MSRA: variants seen among roughly 807,000 people sequenced by gnomAD.
MSRA encodes the protein mitochondrial peptide methionine sulfoxide reductase.
A neutral mutation model predicts 31.3 loss-of-function variants in MSRA; 54 were observed. That is an observed-to-expected ratio of 1.73 (90% CI 1.39 to 2.17). MSRA has a LOEUF of 2.17. Ranked by LOEUF, MSRA falls within the 30% of genes most tolerant of loss-of-function variation. The probability of loss-of-function intolerance (pLI) is 0.00; values close to 1 mark genes in which losing one functional copy is unlikely to be tolerated. For synonymous variants in MSRA, 169 were observed against 116.5 expected (o/e 1.45, Z -2.90); for missense variants, 507 against 300.9 (o/e 1.69, Z -5.07).
chr8:10,095,192 T>A (rs932252133), intron 1 of MSRA, among the ~76,000 whole-genome samples: 1 of 152,240 alleles, frequency 6.6e-6, no homozygotes, highest in African/African-American at 2.4e-5. Context: ...TAAAGTTACA[T>A]ACATCTCTTC....
intron 5 of MSRA, among the ~76,000 whole-genome samples, chr8:10,420,680 C>T (rs1033061016): frequency 3.9e-5 from 6 of 151,962 alleles, no homozygotes; most frequent in Non-Finnish European, 5.9e-5. Context: ...GCAGCCCCCA[C>T]CCCATGTACA....
chr8:10,319,761 A>G (rs963442027), intron 4 of MSRA, 122 bp from the exon 5 acceptor site: 6 of 467,696 alleles, frequency 1.3e-5, no homozygotes, highest in Admixed American at 4.3e-5. Context: ...ACAAGCACTT[A>G]GCAACACATC....
intron 5 of MSRA, among the ~76,000 whole-genome samples, chr8:10,353,107 G>A (rs1221770264): frequency 6.6e-6 from 1 of 152,102 alleles, no homozygotes; most frequent in Non-Finnish European, 1.5e-5. Context: ...GTAACCACAG[G>A]CCTGAGCCAC....
intron 2 of MSRA, among the ~76,000 whole-genome samples, chr8:10,220,998 G>A (rs757980834): frequency 5.9e-5 from 9 of 152,180 alleles, no homozygotes; most frequent in Admixed American, 1.3e-4. Context: ...AATAACTTGT[G>A]CCTGGCGGGT....
At chr8:10,395,059 C>G (rs1448145297) in intron 5 of MSRA, among the ~76,000 whole-genome samples, 2 of 152,136 alleles carry the variant, frequency 1.3e-5, no homozygotes, top group Non-Finnish European at 2.9e-5. Context: ...TGGCAGAAGC[C>G]AACACACACA....
intron 4 of MSRA, among the ~76,000 whole-genome samples, chr8:10,309,623 C>T (rs536701560): frequency 6.6e-6 from 1 of 152,332 alleles, no homozygotes; most frequent in African/African-American, 2.4e-5. Context: ...TGGTTTGCCC[C>T]CCGTGGGCTG....
At chr8:10,228,080 G>GGTGTCTGGGAATGT (rs1479517885) in intron 2 of MSRA, among the ~76,000 whole-genome samples, 2 of 152,172 alleles carry the variant, frequency 1.3e-5, no homozygotes, top group Non-Finnish European at 2.9e-5. Context: ...CCACCAAGAT[G>GGTGTCTGGGAATGT]GTGTCTGGGA....
chr8:10,369,969 C>G (rs1805387064), intron 5 of MSRA, among the ~76,000 whole-genome samples: 1 of 152,156 alleles, frequency 6.6e-6, no homozygotes, highest in African/African-American at 2.4e-5. Context: ...ACATCAAATC[C>G]TTGATGGACA....
rs1191939049 is a variant in MSRA, at chr8:10,303,912, CCTTTT to C, written c.436+2275_436+2279del. On this transcript the variant is annotated intron_variant, in intron 4 of 5. Coordinates refer to ENST00000317173, the MANE Select transcript of MSRA (RefSeq NM_012331.5). ...TATGCCCATTATATTTGCCAGGTGCCCTTTTATTTTTTGTTTTTGTTTTTTATTTT... is the reference window on the plus strand; with the variant it reads ...TATGCCCATTATATTTGCCAGGTGCCATTTTTTGTTTTTGTTTTTTATTTT... Among the ~76,000 whole-genome samples, 30 of 152,210 alleles carry C rather than the reference CCTTTT, an allele frequency of 2.0e-4. No homozygotes were observed. In the East Asian group the frequency reaches 5.8e-3, roughly 29 times the overall value.
chr8:10,370,575 T>G (rs1805419168), intron 5 of MSRA, among the ~76,000 whole-genome samples: 1 of 152,236 alleles, frequency 6.6e-6, no homozygotes, highest in Admixed American at 6.5e-5. Context: ...TCCCTTGAAC[T>G]GTGAGTACGG....
chr8:10,303,555 G>T (rs1381519021), intron 4 of MSRA, among the ~76,000 whole-genome samples: 1 of 152,212 alleles, frequency 6.6e-6, no homozygotes, highest in African/African-American at 2.4e-5. Flanking sequence ...GGCTAAGGTT[G>T]TAGCGTGATC....
intron 5 of MSRA, among the ~76,000 whole-genome samples, chr8:10,365,276 C>G (rs796453408): frequency 5.3e-5 from 8 of 152,240 alleles, no homozygotes; most frequent in African/African-American, 1.9e-4. Flanking sequence ...CCGCTCCCTC[C>G]GAGCATCTGT....
intron 1 of MSRA, among the ~76,000 whole-genome samples, chr8:10,175,331 A>G (rs976059626): frequency 5.3e-5 from 8 of 152,150 alleles, no homozygotes; most frequent in African/African-American, 1.9e-4. Flanking sequence ...CCCTTTTTGA[A>G]GTATATTGGT....
At chr8:10,312,722 A>G (rs902116426) in intron 4 of MSRA, among the ~76,000 whole-genome samples, 1 of 152,248 alleles carries the variant, frequency 6.6e-6, no homozygotes, top group African/African-American at 2.4e-5. Flanking sequence ...GTTTCCTCCA[A>G]CGAACACAAG....
intron 3 of MSRA, among the ~76,000 whole-genome samples, chr8:10,281,230 T>C (rs998520622): frequency 2.6e-5 from 4 of 152,250 alleles, no homozygotes; most frequent in Non-Finnish European, 4.4e-5. Flanking sequence ...TAAATTATGA[T>C]AGCTCTAAAC....
chr8:10,212,023 A>G lies in MSRA; in HGVS notation c.211+4122A>G, dbSNP rs563672552. ...AAGATTCTTGGTACAATTAAAAAAT[A>G]TTTTATATAAAATATTAGCTGGGTA... On this transcript the variant is annotated intron_variant, in intron 2 of 5. Transcript: ENST00000317173. 5.3e-5 allele frequency among the ~76,000 whole-genome samples: 8 copies of G among 152,168 alleles called. No individual in the cohort carries two copies. The East Asian group carries it at 1.5e-3, about 29-fold the overall frequency.
chr8:10,087,801 AC>A (rs1189023508), intron 1 of MSRA, among the ~76,000 whole-genome samples: 1 of 152,210 alleles, frequency 6.6e-6, no homozygotes, highest in East Asian at 1.9e-4. Context: ...AGGATTTTAA[AC>A]TTTTTCTAAG....
At position 10,076,149 on chromosome 8, in the gene MSRA, C is replaced by T. The variant is rs562206174; in HGVS notation, c.142+21491C>T. On this transcript the variant is annotated intron_variant, in intron 1 of 5. Coordinates refer to ENST00000317173, the MANE Select transcript of MSRA (RefSeq NM_012331.5). ...TTTTCTCATTTGTAAAACAGACAGTCGCTATTTCTGGGAATAGATGAGATA... is the reference window on the plus strand; with the variant it reads ...TTTTCTCATTTGTAAAACAGACAGTTGCTATTTCTGGGAATAGATGAGATA... Among the ~76,000 whole-genome samples, 8 of 152,296 alleles carry T rather than the reference C, an allele frequency of 5.3e-5. No homozygotes were observed. The South Asian group carries it at 1.2e-3, about 24-fold the overall frequency.
rs750291576 is a variant in MSRA at position 10,288,307 on chromosome 8, C to G, written c.332-13227C>G. Among the ~76,000 whole-genome samples, 3 of 152,088 alleles carry G rather than the reference C, an allele frequency of 2.0e-5. No individual in the cohort carries two copies. The South Asian group carries it at 6.2e-4, about 32-fold the overall frequency. On this transcript the variant is annotated intron_variant, in intron 3 of 5. Coordinates refer to ENST00000317173, the MANE Select transcript of MSRA (RefSeq NM_012331.5). The stretch of plus-strand genomic sequence containing the variant: ...CTAGTTACTGTGGCCCTTTAGAAGC[C>G]GTAGCCATTTTCATATGTAAGATAT...
Sources: gnomAD v4.1 joint callset for allele counts (sites outside exome capture counted in the v4.1 genomes callset) on GRCh38, gnomAD v4.1.1 for gene constraint, MANE v1.5 for transcripts, NCBI Gene and HGNC (gene_info 2026-07-23, HGNC 2026-07-21) for gene names.